PTPRT: variants seen among roughly 807,000 people sequenced by gnomAD.
PTPRT encodes the protein receptor-type tyrosine-protein phosphatase T.
Under a neutral mutation model 176.8 loss-of-function variants are expected in PTPRT, and 56 were observed. That is an observed-to-expected ratio of 0.32 (90% CI 0.26 to 0.40). The LOEUF is 0.40. PTPRT is among the 10% of genes least tolerant of loss of function. The pLI, the probability that PTPRT is intolerant of heterozygous loss-of-function variation, is 1.00. For missense variants in PTPRT, 1,540 were observed against 1,908.2 expected, an observed-to-expected ratio of 0.81 and a Z score of 3.60; for synonymous variants, 783 against 739.0, an observed-to-expected ratio of 1.06 and a Z score of -0.96.
At chr20:43,002,424 G>A (rs1481755530) in intron 1 of PTPRT, among the ~76,000 whole-genome samples, 1 of 152,144 alleles carries the variant, frequency 6.6e-6, no homozygotes, top group Non-Finnish European at 1.5e-5. Context: ...CATACTTTGT[G>A]TACTGTAAAT....
chr20:42,262,763 GA>G (rs1450780229), intron 13 of PTPRT, among the ~76,000 whole-genome samples: 1 of 151,918 alleles, frequency 6.6e-6, no homozygotes, highest in African/African-American at 2.4e-5. Flanking sequence ...CACAGGGAAA[GA>G]GTTGATAGAA....
At chr20:42,302,225 T>C (rs1487778596) in intron 12 of PTPRT, among the ~76,000 whole-genome samples, 3 of 152,164 alleles carry the variant, frequency 2.0e-5, no homozygotes, top group Non-Finnish European at 4.4e-5. Flanking sequence ...TAAATTGATA[T>C]TGAGATTATA....
At chr20:42,707,324 TG>T (rs1290123125) in intron 6 of PTPRT, among the ~76,000 whole-genome samples, 1 of 152,152 alleles carries the variant, frequency 6.6e-6, no homozygotes, top group Non-Finnish European at 1.5e-5. Flanking sequence ...GTATAATCCT[TG>T]GGAGCATGCA....
intron 1 of PTPRT, among the ~76,000 whole-genome samples, chr20:43,129,412 C>G (rs1484826573): frequency 6.6e-6 from 1 of 152,092 alleles, no homozygotes; most frequent in African/African-American, 2.4e-5. Context: ...GTACTTTTTT[C>G]CAGTTTGTGC....
At chr20:43,112,870 T>C (rs2146344832) in intron 1 of PTPRT, among the ~76,000 whole-genome samples, 1 of 152,126 alleles carries the variant, frequency 6.6e-6, no homozygotes, top group Middle Eastern at 3.4e-3. Context: ...GGGTTTTGCA[T>C]GTAACTCATT....
intron 8 of PTPRT, among the ~76,000 whole-genome samples, chr20:42,462,088 CAAG>C (rs1300116194): frequency 6.6e-6 from 1 of 151,178 alleles, no homozygotes. Context: ...TCCATAGAAA[CAAG>C]GAGGTGAGGG....
intron 1 of PTPRT, among the ~76,000 whole-genome samples, chr20:42,928,560 G>T (rs1979632568): frequency 6.6e-6 from 1 of 152,152 alleles, no homozygotes; most frequent in African/African-American, 2.4e-5. Context: ...GGGGCCATGG[G>T]GAGACCCTAC....
intron 1 of PTPRT, among the ~76,000 whole-genome samples, chr20:43,033,284 A>C (rs1324280162): frequency 1.3e-5 from 2 of 152,204 alleles, no homozygotes; most frequent in Non-Finnish European, 2.9e-5. Flanking sequence ...GATGGTCTCA[A>C]GGTGTGGCTT....
chr20:43,085,465 A>C (rs2011578114), intron 1 of PTPRT, among the ~76,000 whole-genome samples: 1 of 152,210 alleles, frequency 6.6e-6, no homozygotes, highest in Non-Finnish European at 1.5e-5. Flanking sequence ...TGTGAAAAGC[A>C]TTGTATTAGT....
At chr20:42,391,337 A>C (rs947107032) in intron 9 of PTPRT, among the ~76,000 whole-genome samples, 1 of 152,182 alleles carries the variant, frequency 6.6e-6, no homozygotes, top group Admixed American at 6.5e-5. Context: ...CAAGTGTAGA[A>C]GTCTGAAAAG....
At chr20:42,461,052 G>T (rs574661294) in intron 8 of PTPRT, among the ~76,000 whole-genome samples, 12 of 152,312 alleles carry the variant, frequency 7.9e-5, no homozygotes, top group African/African-American at 2.2e-4. Context: ...AATAGGCCGG[G>T]CATGGTGGCT....
At chr20:42,141,057 T>C (rs1342472894) in intron 18 of PTPRT, among the ~76,000 whole-genome samples, 1 of 152,170 alleles carries the variant, frequency 6.6e-6, no homozygotes, top group Non-Finnish European at 1.5e-5. Context: ...ACTTCATCAA[T>C]GAGTCATTCA....
In PTPRT at chr20:42,128,850, C is replaced by A; in HGVS notation, c.2771-20G>T. On this transcript the variant is annotated intron_variant, in intron 18 of 30. Coordinates refer to ENST00000373187, the MANE Select transcript of PTPRT (RefSeq NM_007050.6). ...GGTCGTCTGCAGAGAGAGCAGAAAT[C>A]AAGGGGATGGTTGATAAGAGGCCTT... is the stretch of plus-strand genomic sequence containing the variant. 1 of 1,590,916 alleles carries A rather than the reference C, an allele frequency of 6.3e-7. No homozygotes were observed. Among genetic ancestry groups the A allele is most frequent in the Admixed American group, 1.7e-5 (1 of 57,252 alleles).
At chr20:42,922,428 C>T (rs1232748171) in intron 1 of PTPRT, among the ~76,000 whole-genome samples, 1 of 152,210 alleles carries the variant, frequency 6.6e-6, no homozygotes, top group East Asian at 1.9e-4. Context: ...TTCTACACCT[C>T]TCTCCTGGAC....
chr20:42,200,331 G>A (rs1226486446), intron 15 of PTPRT, among the ~76,000 whole-genome samples: 1 of 152,234 alleles, frequency 6.6e-6, no homozygotes, highest in Admixed American at 6.5e-5. Context: ...ATAGGGTTGT[G>A]AGGATTAAAT....
chr20:42,834,790 T>C (rs2078153033), intron 2 of PTPRT, among the ~76,000 whole-genome samples: 1 of 152,092 alleles, frequency 6.6e-6, no homozygotes, highest in South Asian at 2.1e-4. Flanking sequence ...TACACATTTG[T>C]CTAAACCCAT....
chr20:42,120,116 G>T, intron 19 of PTPRT, 145 bp from the exon 20 acceptor site: 1 of 654,430 alleles, frequency 1.5e-6, no homozygotes, highest in East Asian at 3.0e-5. Flanking sequence ...AGTGGCAAAG[G>T]TTAAATGAGA....
chr20:42,868,923 C>A (rs1478141324), intron 2 of PTPRT, among the ~76,000 whole-genome samples: 2 of 152,122 alleles, frequency 1.3e-5, no homozygotes, highest in African/African-American at 4.8e-5. Flanking sequence ...TCCTTAGATG[C>A]CCCAGATGTG....
chr20:43,134,481 TCCCCTTA>T (rs1322133345), intron 1 of PTPRT, among the ~76,000 whole-genome samples: 1 of 152,164 alleles, frequency 6.6e-6, no homozygotes, highest in Non-Finnish European at 1.5e-5. Flanking sequence ...TAGCCAGAAT[TCCCCTTA>T]CCCCTCATGT....
Sources: gnomAD v4.1 joint callset for allele counts (sites outside exome capture counted in the v4.1 genomes callset) on GRCh38, gnomAD v4.1.1 for gene constraint, MANE v1.5 for transcripts, NCBI Gene and HGNC (gene_info 2026-07-23, HGNC 2026-07-21) for gene names.